EPHA3: variants seen among roughly 807,000 people sequenced by gnomAD.
The protein encoded by EPHA3 is EPH receptor A3.
A neutral mutation model predicts 107.1 loss-of-function variants in EPHA3; 42 were observed. The ratio of observed to expected loss-of-function variants is 0.39; its 90% CI spans 0.31 to 0.51. The LOEUF is 0.51. EPHA3 is among the 20% of genes least tolerant of loss of function. The pLI, the probability that EPHA3 is intolerant of heterozygous loss-of-function variation, is 0.78. For synonymous variants in EPHA3, 461 were observed against 424.8 expected, an observed-to-expected ratio of 1.09 and a Z score of -1.05; for missense variants, 1,183 against 1,211.2, an observed-to-expected ratio of 0.98 and a Z score of 0.35.
chr3:89,197,846 G>A (rs1378403652), intron 2 of EPHA3, among the ~76,000 whole-genome samples: 2 of 152,156 alleles, frequency 1.3e-5, no homozygotes, highest in South Asian at 2.1e-4. Flanking sequence ...GTGTGGTGGT[G>A]TGTGCCTTAG....
intron 5 of EPHA3, among the ~76,000 whole-genome samples, chr3:89,373,096 A>G (rs1708339308): frequency 6.6e-6 from 1 of 151,890 alleles, no homozygotes; most frequent in Non-Finnish European, 1.5e-5. Flanking sequence ...CTGGCACAAA[A>G]TAGTTTTCAC....
At chr3:89,140,362 T>C (rs1180212372) in intron 2 of EPHA3, among the ~76,000 whole-genome samples, 2 of 151,848 alleles carry the variant, frequency 1.3e-5, no homozygotes, top group Non-Finnish European at 2.9e-5. Flanking sequence ...GGATATGTTA[T>C]CTTCTAGCCA....
At chr3:89,227,759 G>C (rs559986074) in intron 3 of EPHA3, among the ~76,000 whole-genome samples, 6 of 151,922 alleles carry the variant, frequency 3.9e-5, no homozygotes, top group Non-Finnish European at 8.8e-5. Context: ...ATAATTCAGA[G>C]TAAGGATATC....
intron 2 of EPHA3, among the ~76,000 whole-genome samples, chr3:89,131,692 A>C (rs2106988137): frequency 6.6e-6 from 1 of 152,318 alleles, no homozygotes; most frequent in South Asian, 2.1e-4. Context: ...AGTGTAGAAA[A>C]AGCACTGTCT....
intron 2 of EPHA3, among the ~76,000 whole-genome samples, chr3:89,130,954 T>C (rs1022395644): frequency 5.9e-5 from 9 of 152,192 alleles, no homozygotes; most frequent in Admixed American, 5.2e-4. Context: ...CATTTTTAAA[T>C]GGTGCTTCAT....
At chr3:89,116,261 T>C (rs1449699018) in intron 1 of EPHA3, among the ~76,000 whole-genome samples, 1 of 152,138 alleles carries the variant, frequency 6.6e-6, no homozygotes, top group Non-Finnish European at 1.5e-5. Flanking sequence ...TTGTACAATA[T>C]AACCAGAGTG....
intron 3 of EPHA3, among the ~76,000 whole-genome samples, chr3:89,232,350 G>C (rs1471837803): frequency 1.3e-5 from 2 of 152,118 alleles, no homozygotes; most frequent in African/African-American, 2.4e-5. Flanking sequence ...CTGGAGGCCA[G>C]GCTGGCGGAG....
chr3:89,372,124 G>A (rs1559669492), intron 5 of EPHA3, among the ~76,000 whole-genome samples: 1 of 151,568 alleles, frequency 6.6e-6, no homozygotes, highest in Admixed American at 6.6e-5. Context: ...CGATAAAATT[G>A]GCATTGACAT....
At chr3:89,404,021 A>G (rs572250477) in intron 7 of EPHA3, among the ~76,000 whole-genome samples, 1 of 152,258 alleles carries the variant, frequency 6.6e-6, no homozygotes, top group South Asian at 2.1e-4. Flanking sequence ...AAATTAGAGG[A>G]TTTCATTGGA....
chr3:89,471,390 C>T (rs1275792355), intron 15 of EPHA3, among the ~76,000 whole-genome samples: 3 of 152,044 alleles, frequency 2.0e-5, no homozygotes, highest in Non-Finnish European at 4.4e-5. Flanking sequence ...CTTTTTGAGA[C>T]GGAGTTTCGC....
chr3:89,211,723 TTTTTCTTCTTCTTCTTCTC>T (rs1704091189), intron 3 of EPHA3, among the ~76,000 whole-genome samples: 1 of 128,414 alleles, frequency 7.8e-6, no homozygotes, highest in Non-Finnish European at 1.7e-5. Context: ...CCTCTTCTTC[TTTTTCTTCTTCTTCTTCTC>T]CTTCTTCTTC....
At chr3:89,387,494 T>G (rs1170001991) in intron 5 of EPHA3, among the ~76,000 whole-genome samples, 1 of 152,192 alleles carries the variant, frequency 6.6e-6, no homozygotes, top group Non-Finnish European at 1.5e-5. Flanking sequence ...TTAAGCCTCT[T>G]TCATTTATAA....
At chr3:89,120,313 T>C (rs866799174) in intron 1 of EPHA3, among the ~76,000 whole-genome samples, 4 of 152,296 alleles carry the variant, frequency 2.6e-5, no homozygotes, top group Middle Eastern at 6.8e-3. Flanking sequence ...TTTTAGAAAC[T>C]TACATTTTGG....
chr3:89,438,508 A>G (rs1426949521), intron 13 of EPHA3, among the ~76,000 whole-genome samples: 1 of 152,154 alleles, frequency 6.6e-6, no homozygotes, highest in Non-Finnish European at 1.5e-5. Context: ...GGTAACTCCA[A>G]TCTAAGAACA....
chr3:89,151,974 TG>T (rs1398069958), intron 2 of EPHA3, among the ~76,000 whole-genome samples: 2 of 152,074 alleles, frequency 1.3e-5, no homozygotes, highest in East Asian at 3.9e-4. Flanking sequence ...AATAGCTTTT[TG>T]TTTTTTAAAT....
At chr3:89,477,873 T>C (rs1710548694) in intron 16 of EPHA3, among the ~76,000 whole-genome samples, 1 of 150,842 alleles carries the variant, frequency 6.6e-6, no homozygotes, top group Non-Finnish European at 1.5e-5. Context: ...TACCTTCTTG[T>C]GGAGTAAGAT....
chr3:89,219,688 G>GTGTTTTTTTTTTGTTTTTTTTTTTT, intron 3 of EPHA3, among the ~76,000 whole-genome samples: 2 of 34,440 alleles, frequency 5.8e-5, no homozygotes, highest in African/African-American at 1.2e-4. Flanking sequence ...ATTTGGCAAT[G>GTGTTTTTTTTTTGTTTTTTTTTTTT]TTTTTTTTTT....
intron 11 of EPHA3, among the ~76,000 whole-genome samples, chr3:89,425,431 C>T (rs1231857245): frequency 6.9e-6 from 1 of 144,762 alleles, no homozygotes; most frequent in African/African-American, 2.6e-5. Context: ...TCCATCCTGA[C>T]ACTGATTATA....
intron 5 of EPHA3, among the ~76,000 whole-genome samples, chr3:89,344,047 G>A (rs1292095303): frequency 6.6e-6 from 1 of 152,088 alleles, no homozygotes; most frequent in African/African-American, 2.4e-5. Context: ...GTGGCAAATG[G>A]TTTTCCGGAG....
Sources: gnomAD v4.1 joint callset for allele counts (sites outside exome capture counted in the v4.1 genomes callset) on GRCh38, gnomAD v4.1.1 for gene constraint, MANE v1.5 for transcripts, NCBI Gene and HGNC (gene_info 2026-07-23, HGNC 2026-07-21) for gene names.